Variants in DPP6 observed in about 807,000 individuals in gnomAD.
DPP6 encodes dipeptidyl peptidase like 6, also known as A-type potassium channel modulatory protein DPP6.
A neutral mutation model predicts 122.6 loss-of-function variants in DPP6; 69 were observed. The ratio of observed to expected loss-of-function variants is 0.56; its 90% CI spans 0.46 to 0.69. The LOEUF (loss-of-function observed/expected upper bound fraction) is 0.69. DPP6 is among the 30% of genes least tolerant of loss of function. DPP6 has a pLI of 0.00. For synonymous variants in DPP6, 418 were observed against 433.1 expected (o/e 0.97, Z 0.43); for missense variants, 928 against 1,116.9 (o/e 0.83, Z 2.41).
intron 1 of DPP6, among the ~76,000 whole-genome samples, chr7:154,160,050 C>T (rs984207658): frequency 6.6e-6 from 1 of 152,120 alleles, no homozygotes; most frequent in Non-Finnish European, 1.5e-5. Context: ...GTCAAGGCGG[C>T]AGTGAGCCCT....
intron 5 of DPP6, among the ~76,000 whole-genome samples, chr7:154,590,292 G>A (rs150606581): frequency 4.6e-5 from 7 of 152,102 alleles, no homozygotes; most frequent in African/African-American, 1.7e-4. Context: ...AAACCAACCT[G>A]TACATCGAAA....
At chr7:154,220,660 G>A (rs1420260552) in intron 1 of DPP6, among the ~76,000 whole-genome samples, 1 of 152,146 alleles carries the variant, frequency 6.6e-6, no homozygotes, top group South Asian at 2.1e-4. Flanking sequence ...GAGACTGTTG[G>A]CACCTGGATC....
At chr7:153,753,655 A>G in the DPP6 span, among the ~76,000 whole-genome samples, 1 of 152,102 alleles carries the variant, frequency 6.6e-6, no homozygotes, top group Non-Finnish European at 1.5e-5. Flanking sequence ...CAAAGCCAAA[A>G]GGGATGAGTT....
At chr7:154,299,589 G>A (rs950019165) in intron 1 of DPP6, among the ~76,000 whole-genome samples, 6 of 152,146 alleles carry the variant, frequency 3.9e-5, no homozygotes, top group African/African-American at 1.4e-4. Flanking sequence ...GTACCCTGCT[G>A]CCCCACATTC....
chr7:154,299,719 G>A (rs1415339580), intron 1 of DPP6, among the ~76,000 whole-genome samples: 2 of 152,174 alleles, frequency 1.3e-5, no homozygotes, highest in East Asian at 1.9e-4. Flanking sequence ...CTACCTTCCT[G>A]AGCAAATCAG....
chr7:154,278,742 C>T (rs1481665453), intron 1 of DPP6, among the ~76,000 whole-genome samples: 1 of 152,108 alleles, frequency 6.6e-6, no homozygotes, highest in Admixed American at 6.6e-5. Flanking sequence ...ATATCTTTAA[C>T]CTCATTAAAT....
chr7:154,356,572 C>T (rs553979655), intron 1 of DPP6, among the ~76,000 whole-genome samples: 5 of 151,564 alleles, frequency 3.3e-5, no homozygotes, highest in South Asian at 4.2e-4. Context: ...TATCCCCCAA[C>T]CCCCCCACCA....
intron 1 of DPP6, among the ~76,000 whole-genome samples, chr7:154,076,202 C>T (rs1405676483): frequency 2.6e-5 from 4 of 152,162 alleles, no homozygotes; most frequent in Non-Finnish European, 4.4e-5. Flanking sequence ...ATAATCCCAG[C>T]GCTTTGGGAG....
At chr7:154,405,029 A>G (rs1563614898) in intron 1 of DPP6, among the ~76,000 whole-genome samples, 1 of 152,214 alleles carries the variant, frequency 6.6e-6, no homozygotes, top group African/African-American at 2.4e-5. Context: ...CTACATAAAT[A>G]TGTGTGTGTA....
intron 1 of DPP6, among the ~76,000 whole-genome samples, chr7:154,399,653 A>G (rs543048131): frequency 9.2e-5 from 14 of 152,308 alleles, no homozygotes; most frequent in African/African-American, 1.2e-4. Flanking sequence ...GCATCTTGCC[A>G]TGGAAAAGAA....
chr7:154,692,781 C>CTTT lies in DPP6; in HGVS notation c.762+23356_762+23358dup, dbSNP rs200799193. 4.0e-3 allele frequency among the ~76,000 whole-genome samples: 573 copies of CTTT among 141,508 alleles called. 6 individuals are homozygous for CTTT. The highest frequency in any genetic ancestry group is 0.014 in the African/African-American group (544 of 39,412). 92.8% of individuals were successfully genotyped at this position (141,508 alleles called of 152,430 possible). The stretch of plus-strand genomic sequence containing the variant: ...ATTTGAAAACTATTATTCTCTCTCT[C>CTTT]TTTTTTTTTTTTTTTTTTGAGACAG... On this transcript the variant is annotated intron_variant, in intron 7 of 25. Transcript: ENST00000377770.
chr7:153,942,226 C>G (rs1287846119), intron 1 of DPP6, among the ~76,000 whole-genome samples: 1 of 152,220 alleles, frequency 6.6e-6, no homozygotes, highest in Non-Finnish European at 1.5e-5. Context: ...CAGGCACCAC[C>G]CCACGCCTGG....
rs1049452630 is a variant in DPP6, at chr7:153,916,398, C to T, written c.51+28664C>T. Among the ~76,000 whole-genome samples, 4 of 124,318 alleles carry T rather than the reference C, an allele frequency of 3.2e-5. No homozygotes were observed. In the Admixed American group the frequency reaches 3.3e-4, roughly 10 times the overall value. 81.6% of individuals were successfully genotyped at this position (124,318 alleles called of 152,430 possible). ...CCTCCCCTCTCCTCCCCTCCCCTCTCCTCCCCTCCTCTCTCCTCCCCTCCC... is the reference window on the plus strand; with the variant it reads ...CCTCCCCTCTCCTCCCCTCCCCTCTTCTCCCCTCCTCTCTCCTCCCCTCCC... On this transcript the variant is annotated intron_variant, in intron 1 of 25. Coordinates refer to the DPP6 transcript ENST00000404039.
In DPP6 at chr7:154,061,854, T is replaced by A. The variant is rs1327028611; in HGVS notation, c.243+8791T>A. Among the ~76,000 whole-genome samples, 103 of 106,004 alleles carry A rather than the reference T, an allele frequency of 9.7e-4. 2 individuals carry two copies. The highest frequency in any genetic ancestry group is 2.5e-3 in the African/African-American group (64 of 25,510). The allele number at this position is 106,004 out of a possible 152,430, so 69.5% of individuals were successfully genotyped here. On this transcript the variant is annotated intron_variant, in intron 1 of 25. Transcript: ENST00000377770. ...CCTTTGCTCTTAGGATCCCCATCGC[T>A]GGGGGCGGAGGCACCCCCCGCGAGG...
At chr7:154,870,962 CAAAAAAAAAAAA>C (rs146259949) in intron 18 of DPP6, among the ~76,000 whole-genome samples, 1 of 99,068 alleles carries the variant, frequency 1.0e-5, no homozygotes, top group Non-Finnish European at 2.0e-5. Flanking sequence ...GACTCCATCT[CAAAAAAAAAAAA>C]AAAAAAAAAA....
At chr7:153,898,526 A>G (rs1239899379) in intron 1 of DPP6, among the ~76,000 whole-genome samples, 1 of 152,218 alleles carries the variant, frequency 6.6e-6, no homozygotes, top group Non-Finnish European at 1.5e-5. Context: ...GTTTGAGGTG[A>G]TGAATATCCT....
At chr7:154,683,733 A>G (rs1839425944) in intron 7 of DPP6, among the ~76,000 whole-genome samples, 1 of 151,734 alleles carries the variant, frequency 6.6e-6, no homozygotes, top group African/African-American at 2.4e-5. Flanking sequence ...CACTCCCCTG[A>G]CCTCTCCTGC....
intron 5 of DPP6, among the ~76,000 whole-genome samples, chr7:154,586,550 C>T (rs1488802015): frequency 6.6e-6 from 1 of 152,174 alleles, no homozygotes; most frequent in African/African-American, 2.4e-5. Context: ...CTTCATGAAG[C>T]TGTGCTGCCC....
intron 3 of DPP6, among the ~76,000 whole-genome samples, chr7:154,511,721 C>T (rs148544142): frequency 3.3e-5 from 5 of 152,120 alleles, no homozygotes. Flanking sequence ...CCTGGTAACA[C>T]CTAATTGTAA....
Sources: gnomAD v4.1 joint callset for allele counts (sites outside exome capture counted in the v4.1 genomes callset) on GRCh38, gnomAD v4.1.1 for gene constraint, MANE v1.5 for transcripts, NCBI Gene and HGNC (gene_info 2026-07-23, HGNC 2026-07-21) for gene names.